Variants in PCDHA1 observed in about 807,000 individuals in gnomAD.
The protein encoded by PCDHA1 is protocadherin alpha 1, also known as protocadherin alpha-1.
PCDHA1 carries 42 observed loss-of-function variants against 61.3 expected under a neutral mutation model. That is an observed-to-expected ratio of 0.69 (90% CI 0.54 to 0.89). The LOEUF is 0.89. Among genes scored for constraint, PCDHA1 ranks in the 40% least tolerant of loss-of-function variants. PCDHA1 has a pLI of 0.00. For missense variants in PCDHA1, 1,256 were observed against 1,235.3 expected, an observed-to-expected ratio of 1.02 and a Z score of -0.25; for synonymous variants, 610 against 553.8, an observed-to-expected ratio of 1.10 and a Z score of -1.43.
intron 1 of PCDHA1, among the ~76,000 whole-genome samples, chr5:140,974,318 A>G (rs2096622244): frequency 6.6e-6 from 1 of 152,206 alleles, no homozygotes; most frequent in Admixed American, 6.5e-5. Context: ...GTGAGAGAGT[A>G]GCTGCTGTGC....
chr5:140,829,152 C>T lies in PCDHA1; in HGVS notation c.2394+40468C>T. ...AACGTCCCTGAGATAGCACTGACTT[C>T]CTTATCCTTGCCTGTACGTGAAGAC... is the stretch of plus-strand genomic sequence containing the variant. On this transcript the variant is annotated intron_variant, in intron 1 of 3. Coordinates refer to ENST00000504120, the MANE Select transcript of PCDHA1 (RefSeq NM_018900.4). 1 of 1,613,972 alleles carries T rather than the reference C, an allele frequency of 6.2e-7. No homozygotes were observed. Among genetic ancestry groups the T allele is most frequent in the Non-Finnish European group, 8.5e-7 (1 of 1,179,830 alleles).
chr5:140,872,307 C>T (rs1329371918), intron 1 of PCDHA1, among the ~76,000 whole-genome samples: 2 of 152,046 alleles, frequency 1.3e-5, no homozygotes, highest in East Asian at 3.9e-4. Flanking sequence ...TTATATGCTG[C>T]TTTATGGAAA....
At chr5:140,871,528 T>C (rs373016617) in intron 1 of PCDHA1, 418 of 1,530,484 alleles carry the variant, frequency 2.7e-4, no homozygotes, top group Non-Finnish European at 3.4e-4. Flanking sequence ...TATCAGGAAG[T>C]GTATGTGAAA....
At chr5:140,828,373 G>A (rs1554131267) in intron 1 of PCDHA1, 1 of 1,614,292 alleles carries the variant, frequency 6.2e-7, no homozygotes, top group Admixed American at 1.7e-5. Context: ...ACCGCGAGGA[G>A]CTGTGCGGGC....
At chr5:140,927,342 TGAC>T (rs1554204398) in intron 1 of PCDHA1, 1 of 1,614,160 alleles carries the variant, frequency 6.2e-7, no homozygotes, top group Non-Finnish European at 8.5e-7. Context: ...ATGCCCAAGA[TGAC>T]GACGAGGGAA....
chr5:140,853,659 A>T (rs1216918086), intron 1 of PCDHA1: 1 of 988,622 alleles, frequency 1.0e-6, no homozygotes, highest in African/African-American at 1.8e-5. Context: ...TGTTCCAGAC[A>T]AATTGGGGCC....
In PCDHA1 at chr5:140,828,247, G is replaced by T. The variant is rs2150153072; in HGVS notation, c.2394+39563G>T. 9 of 1,613,862 alleles carry T rather than the reference G, an allele frequency of 5.6e-6. No individual in the cohort carries two copies. The South Asian group carries it at 9.9e-5, about 18-fold the overall frequency. ...TCGTGGGCCGGATCGCGCAGGACCTGGGGCTGGAGCTGGCGGAGCTGGTGC... is the reference window on the plus strand; with the variant it reads ...TCGTGGGCCGGATCGCGCAGGACCTTGGGCTGGAGCTGGCGGAGCTGGTGC... On this transcript the variant is annotated intron_variant, in intron 1 of 3. Coordinates refer to ENST00000504120, the MANE Select transcript of PCDHA1 (RefSeq NM_018900.4).
chr5:140,983,399 G>C (rs1486206101), intron 3 of PCDHA1, among the ~76,000 whole-genome samples: 1 of 152,148 alleles, frequency 6.6e-6, no homozygotes, highest in East Asian at 1.9e-4. Context: ...TTTCAGAAAG[G>C]GAAGATTAAG....
chr5:140,951,966 C>G (rs1554220177), intron 1 of PCDHA1, among the ~76,000 whole-genome samples: 1 of 152,128 alleles, frequency 6.6e-6, no homozygotes, highest in African/African-American at 2.4e-5. Flanking sequence ...GGTAAATACT[C>G]CTGTTCCAAA....
chr5:140,806,996 G>T (rs887947620), intron 1 of PCDHA1: 4 of 693,592 alleles, frequency 5.8e-6, no homozygotes, highest in South Asian at 3.9e-5. Flanking sequence ...ACATGATGTC[G>T]CTCTTTACCA....
chr5:140,929,471 G>C, intron 1 of PCDHA1: 1 of 1,293,428 alleles, frequency 7.7e-7, no homozygotes, highest in Non-Finnish European at 1.0e-6. Context: ...CAAGAAATCT[G>C]GAAGTATAGA....
chr5:140,788,888 T>C, intron 1 of PCDHA1: 1 of 1,282,264 alleles, frequency 7.8e-7, no homozygotes, highest in Non-Finnish European at 1.0e-6. Flanking sequence ...GGACAAATTG[T>C]CGTATTTCTT....
chr5:140,924,105 C>T lies in PCDHA1; in HGVS notation c.2395-54844C>T, dbSNP rs140580566. ...AGGCAGAAAGAATAAATTTTCATTC[C>T]AAAGCAGTTAGCTTGCTTAGCAGCA... is the stretch of plus-strand genomic sequence containing the variant. On this transcript the variant is annotated intron_variant, in intron 1 of 3. Coordinates refer to ENST00000504120, the MANE Select transcript of PCDHA1 (RefSeq NM_018900.4). Among the ~76,000 whole-genome samples the T allele has an allele frequency of 8.5e-5, 13 of 152,262 alleles. No homozygotes were observed. The East Asian group carries it at 2.5e-3, about 29-fold the overall frequency.
chr5:140,840,057 T>C (rs1217899995), intron 1 of PCDHA1, among the ~76,000 whole-genome samples: 1 of 152,054 alleles, frequency 6.6e-6, no homozygotes, highest in Non-Finnish European at 1.5e-5. Flanking sequence ...TCTAATGTCT[T>C]GACAATTAGT....
chr5:140,935,341 G>A (rs1318000398), intron 1 of PCDHA1, among the ~76,000 whole-genome samples: 5 of 152,046 alleles, frequency 3.3e-5, no homozygotes, highest in Non-Finnish European at 5.9e-5. Context: ...TCTCCCATAC[G>A]TCAAATCCCA....
At chr5:140,916,755 G>C (rs781862005) in intron 1 of PCDHA1, among the ~76,000 whole-genome samples, 15 of 152,208 alleles carry the variant, frequency 9.9e-5, no homozygotes, top group Admixed American at 2.0e-4. Flanking sequence ...CTGGGATTAG[G>C]GGAGGGGTGG....
At chr5:140,796,460 T>A (rs782790916) in intron 1 of PCDHA1, 2 of 1,596,174 alleles carry the variant, frequency 1.3e-6, no homozygotes, top group South Asian at 2.2e-5. Context: ...GAGCGGCGGG[T>A]GGGCGAGCGC....
intron 1 of PCDHA1, among the ~76,000 whole-genome samples, chr5:140,898,104 A>G (rs1220718510): frequency 2.0e-5 from 3 of 152,110 alleles, no homozygotes; most frequent in Middle Eastern, 3.4e-3. Flanking sequence ...TTGTCAGATG[A>G]GTAGGTTGCG....
At chr5:140,910,679 A>G (rs1554194364) in intron 1 of PCDHA1, among the ~76,000 whole-genome samples, 1 of 152,208 alleles carries the variant, frequency 6.6e-6, no homozygotes, top group East Asian at 1.9e-4. Context: ...AAGGGAGATC[A>G]GGCATTTCCA....
Sources: allele counts gnomAD v4.1 joint callset (sites outside exome capture counted in the v4.1 genomes callset), GRCh38; gene constraint gnomAD v4.1.1; transcripts MANE v1.5; gene names NCBI Gene and HGNC (gene_info 2026-07-23, HGNC 2026-07-21).